ATP8A2: variants seen among roughly 807,000 people sequenced by gnomAD.
ATP8A2 encodes the protein phospholipid-transporting ATPase IB.
ATP8A2 carries 100 observed loss-of-function variants against 165.6 expected under a neutral mutation model. That is an observed-to-expected ratio of 0.60 (90% confidence interval 0.51 to 0.71). The LOEUF (loss-of-function observed/expected upper bound fraction) is 0.71. ATP8A2 is among the 30% of genes least tolerant of loss of function. The pLI is 0.00. For missense variants in ATP8A2, 1,227 were observed against 1,479.5 expected (o/e 0.83, Z 2.80); for synonymous variants, 543 against 548.8 (o/e 0.99, Z 0.15).
At position 25,862,322 on chromosome 13, in the gene ATP8A2, G is replaced by A. The variant is rs768202781; in HGVS notation, c.3097G>A (p.Gly1033Arg). The change falls in exon 33 of 37, where the codon GGA becomes AGA. Residue 1033 changes from glycine to arginine, a missense_variant. Gly to Arg is a moderately radical substitution (Grantham distance 125). Transcript: ENST00000381655. ...WTKFSHLAVW[G>R]SMLTWLVFFG... ...GCAGTTCAGTCATCTGGCTGTCTGG[G>A]GAAGCATGCTGACCTGGCTGGTGTT... 1.2e-6 allele frequency: 2 copies of A among 1,614,022 alleles called. No individual in the cohort carries two copies. The highest frequency in any genetic ancestry group is 1.7e-6 in the Non-Finnish European group (2 of 1,179,930).
intron 30 of ATP8A2, among the ~76,000 whole-genome samples, chr13:25,859,461 G>T (rs1952276719): frequency 6.6e-6 from 1 of 151,784 alleles, no homozygotes; most frequent in South Asian, 2.1e-4. Context: ...GACCACTCAG[G>T]ATAAAAAACA....
intron 23 of ATP8A2, among the ~76,000 whole-genome samples, chr13:25,586,966 G>A (rs1297508774): frequency 6.6e-6 from 1 of 152,172 alleles, no homozygotes; most frequent in Non-Finnish European, 1.5e-5. Context: ...TACTCAGGTA[G>A]TAGAAAGACT....
intron 2 of ATP8A2, among the ~76,000 whole-genome samples, chr13:25,512,535 CG>C (rs2037270260): frequency 7.0e-6 from 1 of 141,848 alleles, no homozygotes; most frequent in Non-Finnish European, 1.5e-5. Context: ...CCCTCCCGGA[CG>C]GGGCGGCTGG....
chr13:25,551,568 C>T, intron 11 of ATP8A2, 65 bp downstream of exon 11: 1 of 1,508,992 alleles, frequency 6.6e-7, no homozygotes, highest in Non-Finnish European at 9.0e-7. Flanking sequence ...TTCTTGCAGC[C>T]ATGGTTGAAG....
At chr13:25,570,316 C>A (rs1049868017) in intron 16 of ATP8A2, among the ~76,000 whole-genome samples, 4 of 152,002 alleles carry the variant, frequency 2.6e-5, no homozygotes, top group Non-Finnish European at 5.9e-5. Flanking sequence ...GAGGATCTTG[C>A]GAGAGTGAGG....
rs555724634 is a variant in ATP8A2 at position 25,711,577 on chromosome 13, A to G, written c.2384+12232A>G. Among the ~76,000 whole-genome samples, 5 of 152,214 alleles carry G rather than the reference A, an allele frequency of 3.3e-5. No homozygotes were observed. In the East Asian group the frequency reaches 5.8e-4, roughly 18 times the overall value. Reference sequence around the variant, plus strand: ...AAAAAAAAAAATTTTTTTTAAAGCAAACAGAGCCTTAGGAGAAGGCAACAC... The same window carrying G: ...AAAAAAAAAAATTTTTTTTAAAGCAGACAGAGCCTTAGGAGAAGGCAACAC... On this transcript the variant is annotated intron_variant, in intron 25 of 36. Transcript: ENST00000381655.
At chr13:25,943,179 T>C (rs1435231732) in intron 33 of ATP8A2, among the ~76,000 whole-genome samples, 4 of 152,014 alleles carry the variant, frequency 2.6e-5, no homozygotes, top group Admixed American at 2.6e-4. Context: ...TCTCCAGAGA[T>C]TCTCAGAACA....
chr13:25,443,109 A>ATT (rs1440106757), intron 1 of ATP8A2, among the ~76,000 whole-genome samples: 1 of 152,172 alleles, frequency 6.6e-6, no homozygotes, highest in Non-Finnish European at 1.5e-5. Context: ...TATCTAAGAA[A>ATT]TCATTGCCAA....
rs1458289576 is a variant in ATP8A2 at position 25,658,999 on chromosome 13, T to A, written c.2212-40174T>A. On this transcript the variant is annotated intron_variant, in intron 24 of 36. Transcript: ENST00000381655. ...ACCATTATTTACTTGTTGGCATTTG[T>A]GAAATATTAAAGGTAGCAGGGCCTA... is the stretch of plus-strand genomic sequence containing the variant. Among the ~76,000 whole-genome samples, 5 of 152,118 alleles carry A rather than the reference T, an allele frequency of 3.3e-5. No individual in the cohort carries two copies. The South Asian group carries it at 1.0e-3, about 32-fold the overall frequency.
chr13:25,433,712 A>C (rs1001017484), intron 1 of ATP8A2, among the ~76,000 whole-genome samples: 2 of 152,208 alleles, frequency 1.3e-5, no homozygotes, highest in Non-Finnish European at 2.9e-5. Context: ...ACAGTAGCAA[A>C]GTCATAGAAC....
At position 25,736,433 on chromosome 13, in the gene ATP8A2, G is replaced by A. The variant is rs1269737477; in HGVS notation, c.2385-32613G>A. ...CATGTATTAACTGAACGCGACATGA[G>A]GTTGAAATGATTATTTGTAAACTGT... On this transcript the variant is annotated intron_variant, in intron 25 of 36. Transcript: ENST00000381655. Among the ~76,000 whole-genome samples, 3 of 152,196 alleles carry A rather than the reference G, an allele frequency of 2.0e-5. No homozygotes were observed. In the East Asian group the frequency reaches 5.8e-4, roughly 29 times the overall value.
chr13:25,592,380 A>G (rs1178977696), intron 24 of ATP8A2, among the ~76,000 whole-genome samples: 1 of 152,228 alleles, frequency 6.6e-6, no homozygotes. Flanking sequence ...GAACAAGCTT[A>G]AGATAATTTT....
chr13:25,897,484 C>T (rs1566249069), intron 33 of ATP8A2, among the ~76,000 whole-genome samples: 1 of 151,912 alleles, frequency 6.6e-6, no homozygotes, highest in East Asian at 1.9e-4. Flanking sequence ...TTCATTTCAA[C>T]TTTTGGTGAA....
At chr13:25,784,102 T>A (rs956960701) in intron 27 of ATP8A2, among the ~76,000 whole-genome samples, 4 of 152,196 alleles carry the variant, frequency 2.6e-5, no homozygotes, top group African/African-American at 4.8e-5. Context: ...ATGCTTTTTT[T>A]ATGATGTTTT....
chr13:25,860,772 A>C (rs1952325634), intron 31 of ATP8A2, 32 bp from the exon 32 acceptor site: 1 of 1,534,032 alleles, frequency 6.5e-7, no homozygotes, highest in African/African-American at 1.4e-5. Context: ...ATTGAGAATA[A>C]TGTGTTTCCA....
intron 28 of ATP8A2, among the ~76,000 whole-genome samples, chr13:25,834,720 G>A (rs1048231001): frequency 2.0e-5 from 3 of 152,194 alleles, no homozygotes; most frequent in African/African-American, 7.2e-5. Flanking sequence ...TGTGGCCCAG[G>A]CTGGAATGCA....
intron 2 of ATP8A2, among the ~76,000 whole-genome samples, chr13:25,502,432 G>A (rs970162808): frequency 4.6e-5 from 7 of 152,174 alleles, no homozygotes; most frequent in Non-Finnish European, 1.0e-4. Flanking sequence ...GCCAGTGGGC[G>A]TGTGTTCGTT....
intron 24 of ATP8A2, among the ~76,000 whole-genome samples, chr13:25,609,534 G>GGGATTCAAAGATATATATATATATTT (rs2040603997): frequency 4.7e-5 from 2 of 42,220 alleles, no homozygotes; most frequent in Non-Finnish European, 7.2e-5. Context: ...ATATATATTT[G>GGGATTCAAAGATATATATATATATTT]GGATTCAAAT....
intron 27 of ATP8A2, among the ~76,000 whole-genome samples, chr13:25,784,789 G>T (rs1370106122): frequency 6.6e-6 from 1 of 151,780 alleles, no homozygotes; most frequent in Non-Finnish European, 1.5e-5. Context: ...TGTTTGAGAA[G>T]GAGTCTCGCG....
Sources: allele counts gnomAD v4.1 joint callset (sites outside exome capture counted in the v4.1 genomes callset), GRCh38; gene constraint gnomAD v4.1.1; transcripts MANE v1.5; gene names NCBI Gene and HGNC (gene_info 2026-07-23, HGNC 2026-07-21).